COL5A2: variants seen among roughly 807,000 people sequenced by gnomAD.
COL5A2 encodes the protein collagen type V alpha 2 chain.
COL5A2 carries 23 observed loss-of-function variants against 208.2 expected under a neutral mutation model. That is an observed-to-expected ratio of 0.11 (90% CI 0.08 to 0.16). COL5A2 has a LOEUF of 0.16. Among genes scored for constraint, COL5A2 ranks in the 10% least tolerant of loss-of-function variants. The probability of loss-of-function intolerance (pLI) is 1.00; values close to 1 mark genes in which losing one functional copy is unlikely to be tolerated. For synonymous variants in COL5A2, 625 were observed against 628.5 expected, an observed-to-expected ratio of 0.99 and a Z score of 0.08; for missense variants, 1,590 against 1,956.4, an observed-to-expected ratio of 0.81 and a Z score of 3.53.
chr2:189,118,988 T>C (rs1248065183), intron 1 of COL5A2, among the ~76,000 whole-genome samples: 1 of 152,052 alleles, frequency 6.6e-6, no homozygotes, highest in Non-Finnish European at 1.5e-5. Flanking sequence ...ATTCATCTCT[T>C]AATCTTCATA....
In COL5A2 at chr2:189,045,340, A is replaced by ATGTGTG. The variant is rs111268949; in HGVS notation, c.3310-114_3310-109dup. The stretch of plus-strand genomic sequence containing the variant: ...TTTATAGTTGGATGCATATATATAT[A>ATGTGTG]TGTGTGTGTGTGTGTGTGTGTGTGC... On this transcript the variant is annotated intron_variant, in intron 46 of 53. Coordinates refer to ENST00000374866, the MANE Select transcript of COL5A2 (RefSeq NM_000393.5). The ATGTGTG allele has an allele frequency of 6.9e-6, 4 of 582,094 alleles. No individual in the cohort carries two copies. In the East Asian group the frequency reaches 9.3e-5, roughly 14 times the overall value. The allele number at this position is 582,094 out of a possible 1,614,324, so 36.1% of individuals were successfully genotyped here. A position where few individuals can be genotyped will look rare whatever the true frequency, so the allele number is the denominator to read the frequency against.
intron 16 of COL5A2, among the ~76,000 whole-genome samples, chr2:189,076,871 A>G (rs1686416438): frequency 6.6e-6 from 1 of 152,090 alleles, no homozygotes; most frequent in African/African-American, 2.4e-5. Context: ...GCTTGAAGCC[A>G]GGAGTTTTAG....
chr2:189,125,637 T>C (rs771869462), intron 1 of COL5A2, among the ~76,000 whole-genome samples: 21 of 152,108 alleles, frequency 1.4e-4, no homozygotes, highest in Non-Finnish European at 2.2e-4. Context: ...CTTAAGAACA[T>C]CTTCCTTTTT....
the COL5A2 span, among the ~76,000 whole-genome samples, chr2:189,315,237 C>T: frequency 6.6e-6 from 1 of 152,136 alleles, no homozygotes; most frequent in Admixed American, 6.6e-5. Context: ...TGATCCACCA[C>T]AATCAAGTAA....
Position 189,032,031 on chromosome 2 carries a change from A to G in COL5A2, c.*2039T>C, listed in dbSNP as rs1375002068. On this transcript the variant is annotated 3_prime_UTR_variant, in exon 54 of 54. Coordinates refer to ENST00000374866, the MANE Select transcript of COL5A2 (RefSeq NM_000393.5). ...TTCTGATTCATCTATATGAACTTATATAATCTTATAGTTTGGACTTGGAAG... is the reference window on the plus strand; with the variant it reads ...TTCTGATTCATCTATATGAACTTATGTAATCTTATAGTTTGGACTTGGAAG... The G allele has an allele frequency of 6.6e-6, 1 of 152,154 alleles. No homozygotes were observed. Among genetic ancestry groups the G allele is most frequent in the Non-Finnish European group, 1.5e-5 (1 of 68,010 alleles). The allele number at this position is 152,154 out of a possible 1,614,324, so 9.4% of individuals were successfully genotyped here. A position where few individuals can be genotyped will look rare whatever the true frequency, so the allele number is the denominator to read the frequency against.
At chr2:189,271,633 G>A in the COL5A2 span, among the ~76,000 whole-genome samples, 1 of 152,098 alleles carries the variant, frequency 6.6e-6, no homozygotes, top group African/African-American at 2.4e-5. Flanking sequence ...CAAAAGCAAT[G>A]GCGACAAAAG....
intron 1 of COL5A2, among the ~76,000 whole-genome samples, chr2:189,168,858 A>G (rs1231268763): frequency 6.6e-6 from 1 of 152,204 alleles, no homozygotes; most frequent in Non-Finnish European, 1.5e-5. Flanking sequence ...ATTTTTTATT[A>G]TGAATTTGAA....
chr2:189,302,550 ATATCT>A, the COL5A2 span, among the ~76,000 whole-genome samples: 1 of 152,192 alleles, frequency 6.6e-6, no homozygotes, highest in Admixed American at 6.6e-5. Context: ...TCAAAAAATA[ATATCT>A]TAGAATTACA....
chr2:189,384,873 T>C, the COL5A2 span, among the ~76,000 whole-genome samples: 15 of 152,250 alleles, frequency 9.9e-5, no homozygotes, highest in African/African-American at 3.6e-4. Flanking sequence ...TTGAATAATA[T>C]TGAGTACTAA....
chr2:189,096,038 G>A (rs1686902804), intron 6 of COL5A2: 1 of 152,092 alleles, frequency 6.6e-6, no homozygotes, highest in Admixed American at 6.5e-5. Context: ...AAAAAGTACT[G>A]ACATCACACT....
In COL5A2 at chr2:189,088,791, GA is replaced by G; in HGVS notation, c.568-20del. On this transcript the variant is annotated intron_variant, in intron 7 of 53. Coordinates refer to ENST00000374866, the MANE Select transcript of COL5A2 (RefSeq NM_000393.5). Reference sequence around the variant, plus strand: ...AAAACGGCTGTAAAAGCGATATGTTGACATTATTTCTACAGTAAAAGACATA... The same window carrying G: ...AAAACGGCTGTAAAAGCGATATGTTGCATTATTTCTACAGTAAAAGACATA... The G allele has an allele frequency of 6.2e-7, 1 of 1,603,184 alleles. No individual in the cohort carries two copies. Among genetic ancestry groups the G allele is most frequent in the Non-Finnish European group, 8.5e-7 (1 of 1,170,250 alleles).
intron 5 of COL5A2, among the ~76,000 whole-genome samples, chr2:189,098,221 T>G (rs555778348): frequency 6.6e-6 from 1 of 152,364 alleles, no homozygotes; most frequent in Non-Finnish European, 1.5e-5. Flanking sequence ...GCTGATTTGA[T>G]GTGTTTAACA....
intron 1 of COL5A2, among the ~76,000 whole-genome samples, chr2:189,203,900 T>C (rs1270644744): frequency 1.3e-5 from 2 of 151,726 alleles, no homozygotes; most frequent in South Asian, 2.1e-4. Flanking sequence ...TTTTTGTCTT[T>C]TTTTTTTTTT....
In COL5A2 at chr2:189,092,378, G is replaced by A; in HGVS notation, c.499C>T (p.Pro167Ser). The change falls in exon 7 of 54, where the codon CCT becomes TCT. Residue 167 changes from proline to serine, a missense_variant. By Grantham distance (74) the Pro-to-Ser change is moderately conservative. Transcript: ENST00000374866. ...PQGIDGEPGV[P>S]GQPGAPGPPG... ...GGTCCTGGAGCACCAGGTTGACCAGGAACACCTGGTTCTCCATCAATTCCC... is the reference window on the plus strand; with the variant it reads ...GGTCCTGGAGCACCAGGTTGACCAGAAACACCTGGTTCTCCATCAATTCCC... The A allele has an allele frequency of 6.2e-7, 1 of 1,608,062 alleles. No homozygotes were observed. Among genetic ancestry groups the A allele is most frequent in the South Asian group, 1.1e-5 (1 of 89,482 alleles).
the COL5A2 span, among the ~76,000 whole-genome samples, chr2:189,387,138 A>G: frequency 6.6e-6 from 1 of 152,188 alleles, no homozygotes; most frequent in Non-Finnish European, 1.5e-5. Flanking sequence ...ACAGTCATAA[A>G]AAAGAATGAA....
At chr2:189,331,670 A>T in the COL5A2 span, among the ~76,000 whole-genome samples, 6 of 152,192 alleles carry the variant, frequency 3.9e-5, no homozygotes, top group African/African-American at 1.4e-4. Flanking sequence ...AAGTCCATTA[A>T]GCTCTTTTTC....
At chr2:189,038,521 A>G (rs780572354) in intron 51 of COL5A2, among the ~76,000 whole-genome samples, 1 of 152,118 alleles carries the variant, frequency 6.6e-6, no homozygotes, top group Non-Finnish European at 1.5e-5. Flanking sequence ...TGGTAGAACG[A>G]TTTATTTTCC....
the COL5A2 span, among the ~76,000 whole-genome samples, chr2:189,252,989 C>CTGTTT: frequency 2.6e-5 from 4 of 152,230 alleles, no homozygotes; most frequent in South Asian, 4.1e-4. Context: ...ATAAAGACAA[C>CTGTTT]TGAACATTGT....
the COL5A2 span, among the ~76,000 whole-genome samples, chr2:189,439,988 A>G: frequency 6.6e-6 from 1 of 152,248 alleles, no homozygotes; most frequent in Non-Finnish European, 1.5e-5. Context: ...ATCAAAAGTG[A>G]TATTTTACAC....
Sources: gnomAD v4.1 joint callset for allele counts (sites outside exome capture counted in the v4.1 genomes callset) on GRCh38, gnomAD v4.1.1 for gene constraint, MANE v1.5 for transcripts, NCBI Gene and HGNC (gene_info 2026-07-23, HGNC 2026-07-21) for gene names.